PTPRD: variants seen among roughly 807,000 people sequenced by gnomAD.
PTPRD encodes the protein receptor-type tyrosine-protein phosphatase delta.
PTPRD carries 34 observed loss-of-function variants against 214.5 expected under a neutral mutation model. That is an observed-to-expected ratio of 0.16 (90% CI 0.12 to 0.21). The LOEUF is 0.21. Among genes scored for constraint, PTPRD ranks in the 10% least tolerant of loss-of-function variants. PTPRD has a pLI of 1.00. For missense variants in PTPRD, 2,545 were observed against 2,398.7 expected, an observed-to-expected ratio of 1.06 and a Z score of -1.27; for synonymous variants, 1,128 against 845.7, an observed-to-expected ratio of 1.33 and a Z score of -5.79.
chr9:8,351,455 A>G (rs2075427676), intron 39 of PTPRD, among the ~76,000 whole-genome samples: 1 of 151,966 alleles, frequency 6.6e-6, no homozygotes, highest in Admixed American at 6.6e-5. Flanking sequence ...GGAATTAAGA[A>G]GAAATATAAA....
intron 9 of PTPRD, among the ~76,000 whole-genome samples, chr9:9,190,949 T>C (rs1051165252): frequency 6.6e-6 from 1 of 152,088 alleles, no homozygotes; most frequent in Admixed American, 6.6e-5. Flanking sequence ...AGTTCAGATG[T>C]TGAACTGTCA....
intron 2 of PTPRD, among the ~76,000 whole-genome samples, chr9:10,543,075 G>C (rs1373417297): frequency 6.6e-6 from 1 of 151,642 alleles, no homozygotes; most frequent in Non-Finnish European, 1.5e-5. Context: ...AGTAGAGATG[G>C]GGCTTATCCA....
rs186528906 is a variant in PTPRD at position 10,578,714 on chromosome 9, T to C, written c.-600+33684A>G. ...ACTACAGCATTGCCACTTTCGTTCA[T>C]ATTAGTTTTTTTTGAATAATTTCAA... On this transcript the variant is annotated intron_variant, in intron 2 of 45. Transcript: ENST00000381196. Among the ~76,000 whole-genome samples the C allele has an allele frequency of 2.0e-3, 312 of 152,298 alleles. 2 individuals carry two copies. The highest frequency in any genetic ancestry group is 7.0e-3 in the African/African-American group (291 of 41,574).
intron 9 of PTPRD, among the ~76,000 whole-genome samples, chr9:9,265,182 TAAAAGGTAAAAGACAAA>T (rs371763500): frequency 1.3e-5 from 2 of 151,818 alleles, no homozygotes; most frequent in African/African-American, 4.8e-5. Flanking sequence ...AACTTTAGTA[TAAAAGGTAAAAGACAAA>T]AATATTGAAA....
intron 5 of PTPRD, among the ~76,000 whole-genome samples, chr9:9,909,139 T>C (rs1328094581): frequency 1.3e-5 from 2 of 151,920 alleles, no homozygotes; most frequent in Middle Eastern, 3.2e-3. Context: ...TAATGATTTT[T>C]GATTGCTGAT....
At chr9:8,560,146 AAAAGT>A (rs1462877710) in intron 14 of PTPRD, among the ~76,000 whole-genome samples, 1 of 152,198 alleles carries the variant, frequency 6.6e-6, no homozygotes, top group Non-Finnish European at 1.5e-5. Flanking sequence ...ATATAACCTT[AAAAGT>A]AATCATTCTG....
rs115190786 is a variant in PTPRD, at chr9:10,160,608, C to T, written c.-544-126818G>A. Among the ~76,000 whole-genome samples the T allele has an allele frequency of 7.2e-3, 1,097 of 151,808 alleles. 12 individuals are homozygous for T. Among genetic ancestry groups the T allele is most frequent in the African/African-American group, 0.021 (889 of 41,488 alleles). On this transcript the variant is annotated intron_variant, in intron 3 of 45. Coordinates refer to ENST00000381196, the MANE Select transcript of PTPRD (RefSeq NM_002839.4). ...AAATAAAGGCTATGTAAGCCAAGCC[C>T]ACAGCTAACCATTATACTAAATAGG...
intron 10 of PTPRD, among the ~76,000 whole-genome samples, chr9:9,084,419 G>T (rs139015049): frequency 5.3e-5 from 8 of 152,288 alleles, no homozygotes; most frequent in African/African-American, 1.9e-4. Flanking sequence ...TGGGGGTCTA[G>T]GGAGGGATAG....
intron 6 of PTPRD, among the ~76,000 whole-genome samples, chr9:9,739,165 A>G (rs1596401840): frequency 6.6e-6 from 1 of 152,312 alleles, no homozygotes; most frequent in East Asian, 1.9e-4. Flanking sequence ...ATTCACGTGT[A>G]TATGCACGTA....
At chr9:9,060,292 C>A (rs1419236052) in intron 10 of PTPRD, among the ~76,000 whole-genome samples, 1 of 152,032 alleles carries the variant, frequency 6.6e-6, no homozygotes, top group Non-Finnish European at 1.5e-5. Context: ...TGCATCAGAG[C>A]AGTAGGAAAT....
At chr9:9,778,037 G>A (rs190101621) in intron 5 of PTPRD, among the ~76,000 whole-genome samples, 285 of 152,298 alleles carry the variant, frequency 1.9e-3, no homozygotes, top group African/African-American at 6.5e-3. Flanking sequence ...AGAGAGGGGA[G>A]ACAAGATGGC....
At chr9:9,546,646 A>G (rs549312222) in intron 8 of PTPRD, among the ~76,000 whole-genome samples, 2 of 152,028 alleles carry the variant, frequency 1.3e-5, no homozygotes, top group Non-Finnish European at 2.9e-5. Context: ...GCACAAATTT[A>G]AAAGTGTTCC....
At chr9:8,945,822 C>T (rs2099060749) in intron 11 of PTPRD, among the ~76,000 whole-genome samples, 1 of 152,162 alleles carries the variant, frequency 6.6e-6, no homozygotes, top group Admixed American at 6.5e-5. Context: ...AAACCAAATT[C>T]TATACTTCCT....
intron 31 of PTPRD, among the ~76,000 whole-genome samples, 153 bp downstream of exon 31, chr9:8,470,842 G>A (rs990534499): frequency 1.3e-5 from 2 of 152,028 alleles, no homozygotes; most frequent in Non-Finnish European, 2.9e-5. Context: ...GATCCCCAGG[G>A]GTTAGCATGC....
At chr9:8,740,876 T>G (rs184040038) in intron 11 of PTPRD, among the ~76,000 whole-genome samples, 34 of 152,298 alleles carry the variant, frequency 2.2e-4, no homozygotes, top group African/African-American at 7.7e-4. Context: ...ACACAATGAT[T>G]CTTTGAAGAA....
chr9:8,340,924 C>CCTAA (rs1588119602), intron 41 of PTPRD, among the ~76,000 whole-genome samples, 166 bp downstream of exon 41: 2 of 152,072 alleles, frequency 1.3e-5, no homozygotes, highest in Admixed American at 6.6e-5. Flanking sequence ...AACTACTACT[C>CCTAA]CTAACTCCTA....
At chr9:8,814,499 A>C (rs932360576) in intron 11 of PTPRD, among the ~76,000 whole-genome samples, 2 of 152,212 alleles carry the variant, frequency 1.3e-5, no homozygotes, top group African/African-American at 2.4e-5. Context: ...GGTGAGGTCA[A>C]CAGCACCAAA....
At chr9:9,404,894 G>C (rs1179475030) in intron 8 of PTPRD, among the ~76,000 whole-genome samples, 1 of 152,056 alleles carries the variant, frequency 6.6e-6, no homozygotes, top group African/African-American at 2.4e-5. Context: ...GTTTAATTCA[G>C]TCTTTTCCAA....
chr9:10,569,378 T>A (rs1403645572), intron 2 of PTPRD, among the ~76,000 whole-genome samples: 2 of 152,084 alleles, frequency 1.3e-5, no homozygotes, highest in Non-Finnish European at 2.9e-5. Context: ...GGTTAACATA[T>A]CTATTTCTTC....
Sources: gnomAD v4.1 joint callset for allele counts (sites outside exome capture counted in the v4.1 genomes callset) on GRCh38, gnomAD v4.1.1 for gene constraint, MANE v1.5 for transcripts, NCBI Gene and HGNC (gene_info 2026-07-23, HGNC 2026-07-21) for gene names.